Variants in MGMT observed in about 807,000 individuals in gnomAD.
MGMT encodes O-6-methylguanine-DNA methyltransferase, also known as methylated-DNA--protein-cysteine methyltransferase.
MGMT carries 14 observed loss-of-function variants against 15.9 expected under a neutral mutation model. The observed-to-expected ratio is 0.88, with a 90% CI of 0.58 to 1.37. The LOEUF (loss-of-function observed/expected upper bound fraction) is 1.37, where lower values mean the gene tolerates loss of function less well. MGMT is among the 40% of genes most tolerant of loss of function. The pLI is 0.00. For missense variants in MGMT, 282 were observed against 268.1 expected (o/e 1.05, Z -0.36); for synonymous variants, 130 against 118.2 (o/e 1.10, Z -0.65).
rs190794990 is a variant in MGMT at position 129,582,703 on chromosome 10, G to T, written c.125+46326G>T. ...ACTGCTTTTTGGTATCTAAATCCCC[G>T]GCAGTTTCCCCCTTCGGATAAAGCA... is the stretch of plus-strand genomic sequence containing the variant. On this transcript the variant is annotated intron_variant, in intron 2 of 4. Coordinates refer to ENST00000651593, the MANE Select transcript of MGMT (RefSeq NM_002412.5). Among the ~76,000 whole-genome samples the T allele has an allele frequency of 6.6e-5, 10 of 151,750 alleles. No individual in the cohort carries two copies. In the East Asian group the frequency reaches 1.8e-3, roughly 27 times the overall value.
In MGMT at chr10:129,504,914, G is replaced by A. The variant is rs140611447; in HGVS notation, c.-12-31327G>A. On this transcript the variant is annotated intron_variant, in intron 1 of 4. Coordinates refer to ENST00000651593, the MANE Select transcript of MGMT (RefSeq NM_002412.5). Reference sequence around the variant, plus strand: ...ACCTGATTTTGTCTAGCCTAGGTTTGTGTGAATGTGGTAGGGTTTTTTTTT... The same window carrying A: ...ACCTGATTTTGTCTAGCCTAGGTTTATGTGAATGTGGTAGGGTTTTTTTTT... 1.4e-4 allele frequency among the ~76,000 whole-genome samples: 21 copies of A among 149,410 alleles called. No individual in the cohort carries two copies. The East Asian group carries it at 3.9e-3, about 28-fold the overall frequency.
intron 3 of MGMT, among the ~76,000 whole-genome samples, chr10:129,737,887 C>G (rs1044155748): frequency 5.9e-5 from 9 of 152,216 alleles, no homozygotes; most frequent in African/African-American, 2.2e-4. Flanking sequence ...GTCAGGGACC[C>G]ACTTGAGGAG....
At chr10:129,606,188 A>C (rs1390378787) in intron 2 of MGMT, among the ~76,000 whole-genome samples, 1 of 152,260 alleles carries the variant, frequency 6.6e-6, no homozygotes, top group Non-Finnish European at 1.5e-5. Context: ...AATGCAAGTT[A>C]AATTGAGACA....
chr10:129,603,004 C>A (rs1846842854), intron 2 of MGMT, among the ~76,000 whole-genome samples: 2 of 152,194 alleles, frequency 1.3e-5, no homozygotes, highest in African/African-American at 4.8e-5. Context: ...GGCAACTATA[C>A]GAACCTATGT....
rs1846215114 is a variant in MGMT at position 129,556,464 on chromosome 10, C to A, written c.125+20087C>A. On this transcript the variant is annotated intron_variant, in intron 2 of 4. Transcript: ENST00000651593. The surrounding 1 kb of genome is among the most constrained non-coding windows in gnomAD (Gnocchi z 4.3). ...CAAGGAGAGAGCGCCTTGGAGAAAA[C>A]CAGCTGTGCCTACACCTTGGGTTCA... Among the ~76,000 whole-genome samples, 1 of 152,134 alleles carries A rather than the reference C, an allele frequency of 6.6e-6. No individual in the cohort carries two copies. Among genetic ancestry groups the A allele is most frequent in the African/African-American group, 2.4e-5 (1 of 41,434 alleles).
At chr10:129,715,698 G>T (rs1050441697) in intron 3 of MGMT, 1 of 152,168 alleles carries the variant, frequency 6.6e-6, no homozygotes, top group African/African-American at 2.4e-5. Flanking sequence ...TTAATAACGT[G>T]TGCATAGAAT....
chr10:129,562,444 G>T (rs1293465164), intron 2 of MGMT, among the ~76,000 whole-genome samples: 1 of 152,212 alleles, frequency 6.6e-6, no homozygotes, highest in South Asian at 2.1e-4. Context: ...ATTATCGGAG[G>T]ACAGCTAGCA....
chr10:129,764,229 G>A (rs182492451), intron 4 of MGMT, among the ~76,000 whole-genome samples: 1 of 152,374 alleles, frequency 6.6e-6, no homozygotes, highest in East Asian at 1.9e-4. Context: ...AGGCCTGGTG[G>A]GGCCTTGCGG....
intron 2 of MGMT, among the ~76,000 whole-genome samples, chr10:129,571,822 A>G (rs536148174): frequency 2.0e-5 from 3 of 152,352 alleles, no homozygotes; most frequent in South Asian, 4.1e-4. Flanking sequence ...TAAGTAAGCT[A>G]TGAATATCTG....
intron 1 of MGMT, among the ~76,000 whole-genome samples, chr10:129,498,092 A>G (rs1845540807): frequency 6.6e-6 from 1 of 152,154 alleles, no homozygotes; most frequent in South Asian, 2.1e-4. Context: ...ATTTTGTAGG[A>G]TGCCTCTCGT....
chr10:129,675,625 G>A (rs1198805363), intron 2 of MGMT, among the ~76,000 whole-genome samples: 1 of 152,132 alleles, frequency 6.6e-6, no homozygotes, highest in Non-Finnish European at 1.5e-5. Flanking sequence ...TGAGGTCCAG[G>A]GAACCAGTGG....
chr10:129,750,830 T>C (rs1848743785), intron 3 of MGMT, among the ~76,000 whole-genome samples: 1 of 152,146 alleles, frequency 6.6e-6, no homozygotes, highest in South Asian at 2.1e-4. Flanking sequence ...AATGCCACCC[T>C]GTCTTGATTA....
At chr10:129,665,834 G>C (rs79014160) in intron 2 of MGMT, among the ~76,000 whole-genome samples, 2 of 152,282 alleles carry the variant, frequency 1.3e-5, no homozygotes, top group African/African-American at 4.8e-5. Flanking sequence ...GAGACATGGC[G>C]ACTGAATACA....
chr10:129,527,036 G>A (rs1564842871), intron 1 of MGMT, among the ~76,000 whole-genome samples: 1 of 152,246 alleles, frequency 6.6e-6, no homozygotes, highest in South Asian at 2.1e-4. Context: ...GGTGGATGCC[G>A]TGGTGGTGCC....
chr10:129,675,368 A>G (rs1847772925), intron 2 of MGMT, among the ~76,000 whole-genome samples: 1 of 152,166 alleles, frequency 6.6e-6, no homozygotes, highest in Non-Finnish European at 1.5e-5. Flanking sequence ...TAGGCAGGGA[A>G]TGACTGGGTT....
chr10:129,755,257 T>A (rs1372583163), intron 3 of MGMT, among the ~76,000 whole-genome samples: 2 of 152,268 alleles, frequency 1.3e-5, no homozygotes, highest in East Asian at 3.8e-4. Flanking sequence ...TGGCTGCTTT[T>A]GATGGCCAGG....
intron 2 of MGMT, among the ~76,000 whole-genome samples, chr10:129,640,914 T>C (rs1833853870): frequency 6.6e-6 from 1 of 152,228 alleles, no homozygotes. Flanking sequence ...TATCAAATAC[T>C]TATTGCTGAC....
intron 3 of MGMT, among the ~76,000 whole-genome samples, chr10:129,746,366 G>C (rs1315979161): frequency 1.4e-5 from 2 of 147,970 alleles, no homozygotes; most frequent in Non-Finnish European, 3.0e-5. Context: ...ATCATGATTT[G>C]AAGGACATAT....
intron 3 of MGMT, among the ~76,000 whole-genome samples, chr10:129,729,282 CA>C (rs1166980304): frequency 6.6e-6 from 1 of 152,184 alleles, no homozygotes; most frequent in Admixed American, 6.5e-5. Context: ...ACCCACTGCA[CA>C]GGGAAGGCAC....
Sources: gnomAD v4.1 joint callset for allele counts (sites outside exome capture counted in the v4.1 genomes callset) on GRCh38, gnomAD v4.1.1 for gene constraint, Gnocchi (gnomAD v3.1) non-coding constraint, MANE v1.5 for transcripts, NCBI Gene and HGNC (gene_info 2026-07-23, HGNC 2026-07-21) for gene names.